TULP4: variants seen among roughly 807,000 people sequenced by gnomAD.
The protein encoded by TULP4 is tubby-related protein 4.
TULP4 carries 16 observed loss-of-function variants against 129.0 expected under a neutral mutation model. The ratio of observed to expected loss-of-function variants is 0.12; its 90% confidence interval spans 0.08 to 0.19. TULP4 has a LOEUF of 0.19. Ranked by LOEUF, TULP4 falls within the 10% of genes least tolerant of loss-of-function variation. The probability of loss-of-function intolerance (pLI) is 1.00; values close to 1 mark genes in which losing one functional copy is unlikely to be tolerated. For synonymous variants in TULP4, 998 were observed against 854.0 expected, an observed-to-expected ratio of 1.17 and a Z score of -2.94; for missense variants, 1,842 against 2,059.1, an observed-to-expected ratio of 0.89 and a Z score of 2.04.
rs143823834 is a variant in TULP4 at position 158,449,010 on chromosome 6, G to A, written c.558G>A (p.Thr186=). The change falls in exon 4 of 14, where the codon ACG becomes ACA. Residue 186 remains threonine, a synonymous_variant. Transcript: ENST00000367097. ...CTGGATTGCAGGTGCTGTTTGGCACGGCCGATGGGCAGGTGATTGTCATGG... is the reference window on the plus strand; with the variant it reads ...CTGGATTGCAGGTGCTGTTTGGCACAGCCGATGGGCAGGTGATTGTCATGG... ...TPDDQQVLFG[T]ADGQVIVMDC... is the part of the protein sequence containing the mutation. 5.6e-6 allele frequency: 9 copies of A among 1,610,978 alleles called. No homozygotes were observed. The highest frequency in any genetic ancestry group is 5.3e-5 in the African/African-American group (4 of 75,018).
intron 8 of TULP4, among the ~76,000 whole-genome samples, chr6:158,484,654 C>T (rs989953790): frequency 4.6e-5 from 7 of 152,140 alleles, no homozygotes; most frequent in East Asian, 1.9e-4. Flanking sequence ...TCTCTCACCA[C>T]GCACGTGCAC....
At chr6:158,427,438 A>C (rs745663354) in intron 2 of TULP4, among the ~76,000 whole-genome samples, 22 of 148,560 alleles carry the variant, frequency 1.5e-4, no homozygotes, top group Non-Finnish European at 2.7e-4. Context: ...AACTTACATG[A>C]AATGGACAAA....
chr6:158,506,388 C>T (rs959445515), intron 13 of TULP4, among the ~76,000 whole-genome samples, 190 bp from the exon 14 acceptor site: 6 of 151,866 alleles, frequency 4.0e-5, no homozygotes, highest in Admixed American at 6.6e-5. Context: ...CCCGCCACCA[C>T]GCCCGGCTAA....
At chr6:158,390,906 A>G (rs948500613) in intron 1 of TULP4, among the ~76,000 whole-genome samples, 2 of 152,226 alleles carry the variant, frequency 1.3e-5, no homozygotes, top group Admixed American at 1.3e-4. Flanking sequence ...CCTGGACAGC[A>G]TAGTAAGACT....
rs1013433289 is a variant in TULP4 at position 158,415,016 on chromosome 6, A to C, written c.381+1823A>C. Among the ~76,000 whole-genome samples the C allele has an allele frequency of 2.0e-5, 3 of 152,244 alleles. No homozygotes were observed. The East Asian group carries it at 5.8e-4, about 29-fold the overall frequency. On this transcript the variant is annotated intron_variant, in intron 2 of 13. Coordinates refer to ENST00000367097, the MANE Select transcript of TULP4 (RefSeq NM_020245.5). Reference sequence around the variant, plus strand: ...TGCTCCACCACACTGTCATGTTCCCAAACAAGAAATGATTTTCTCTTTTGG... The same window carrying C: ...TGCTCCACCACACTGTCATGTTCCCCAACAAGAAATGATTTTCTCTTTTGG...
At chr6:158,321,757 C>G (rs554051053) in intron 1 of TULP4, among the ~76,000 whole-genome samples, 3 of 152,328 alleles carry the variant, frequency 2.0e-5, no homozygotes, top group African/African-American at 7.2e-5. Flanking sequence ...CCTCATGAAT[C>G]TCTTGACTTA....
rs770375418 is a variant in TULP4, at chr6:158,488,421, G to A, written c.1487-1167G>A. 3.9e-5 allele frequency among the ~76,000 whole-genome samples: 6 copies of A among 152,242 alleles called. No homozygotes were observed. In the East Asian group the frequency reaches 7.7e-4, roughly 20 times the overall value. ...ACTGTGGCTTTCGCTGGGTCCAGGCGTCGAGCCTCCTGATTCAGTGAGTGC... is the reference window on the plus strand; with the variant it reads ...ACTGTGGCTTTCGCTGGGTCCAGGCATCGAGCCTCCTGATTCAGTGAGTGC... On this transcript the variant is annotated intron_variant, in intron 8 of 13. Coordinates refer to ENST00000367097, the MANE Select transcript of TULP4 (RefSeq NM_020245.5).
At chr6:158,469,170 G>A (rs1046429119) in intron 6 of TULP4, among the ~76,000 whole-genome samples, 2 of 152,156 alleles carry the variant, frequency 1.3e-5, no homozygotes, top group Non-Finnish European at 2.9e-5. Flanking sequence ...ATCCAGAACG[G>A]TGAAAATAGA....
chr6:158,410,334 A>T (rs574352680), intron 1 of TULP4, among the ~76,000 whole-genome samples: 55 of 152,196 alleles, frequency 3.6e-4, no homozygotes, highest in East Asian at 1.3e-3. Context: ...AGCCTTTTTC[A>T]TGGAGAGGTT....
chr6:158,459,925 C>T (rs1779386963), intron 5 of TULP4, among the ~76,000 whole-genome samples: 1 of 152,186 alleles, frequency 6.6e-6, no homozygotes. Context: ...ATGCCCAGAG[C>T]ACATTTAGTA....
chr6:158,462,064 T>A (rs552388879), intron 6 of TULP4, among the ~76,000 whole-genome samples: 106 of 152,240 alleles, frequency 7.0e-4, no homozygotes, highest in Non-Finnish European at 1.2e-3. Context: ...CTTAGTGAGT[T>A]CTTAGCAGGA....
At chr6:158,236,924 C>T (rs111433651) in intron 1 of TULP4, among the ~76,000 whole-genome samples, 1,788 of 149,568 alleles carry the variant, frequency 0.012, 41 homozygotes, top group African/African-American at 0.042. Context: ...AGCGATTCTG[C>T]CTCAGCCACC....
intron 1 of TULP4, among the ~76,000 whole-genome samples, chr6:158,361,739 A>G (rs1780794591): frequency 6.6e-6 from 1 of 152,210 alleles, no homozygotes; most frequent in South Asian, 2.1e-4. Flanking sequence ...TCCAGAGAGA[A>G]CATGTTAGGA....
At position 158,380,255 on chromosome 6, in the gene TULP4, G is replaced by T. The variant is rs140776369; in HGVS notation, c.253-32810G>T. On this transcript the variant is annotated intron_variant, in intron 1 of 13. Coordinates refer to ENST00000367097, the MANE Select transcript of TULP4 (RefSeq NM_020245.5). ...CTTTGAGGCTCTCCACAAAGGTTCA[G>T]CAAGAACTACGGACAGCCCCTTGCC... 7.2e-4 allele frequency among the ~76,000 whole-genome samples: 109 copies of T among 152,302 alleles called. 3 individuals are homozygous for T. In the East Asian group the frequency reaches 0.019, roughly 27 times the overall value.
chr6:158,322,495 G>C (rs1209298615), intron 1 of TULP4, among the ~76,000 whole-genome samples: 2 of 152,128 alleles, frequency 1.3e-5, no homozygotes, highest in Non-Finnish European at 2.9e-5. Flanking sequence ...GAAGGGCTGT[G>C]AAAATGGTAT....
At chr6:158,300,527 A>G (rs923419009) in intron 1 of TULP4, among the ~76,000 whole-genome samples, 5 of 152,200 alleles carry the variant, frequency 3.3e-5, no homozygotes, top group African/African-American at 7.2e-5. Flanking sequence ...CTCTGGTAAT[A>G]CGGGAAATTC....
intron 1 of TULP4, among the ~76,000 whole-genome samples, chr6:158,395,127 G>A (rs1276322756): frequency 6.6e-6 from 1 of 152,124 alleles, no homozygotes; most frequent in East Asian, 1.9e-4. Context: ...TTTGGGCGGG[G>A]ACACAAATCC....
chr6:158,383,132 G>T (rs1777366748), intron 1 of TULP4, among the ~76,000 whole-genome samples: 1 of 152,144 alleles, frequency 6.6e-6, no homozygotes, highest in Non-Finnish European at 1.5e-5. Flanking sequence ...ATTCTGCTGT[G>T]CATCCTCCTC....
At chr6:158,240,864 C>G (rs1044809662) in intron 1 of TULP4, among the ~76,000 whole-genome samples, 3 of 151,016 alleles carry the variant, frequency 2.0e-5, no homozygotes, top group Non-Finnish European at 4.4e-5. Flanking sequence ...CCACCTCCCT[C>G]CCGGACGGGG....
Sources: gnomAD v4.1 joint callset for allele counts (sites outside exome capture counted in the v4.1 genomes callset) on GRCh38, gnomAD v4.1.1 for gene constraint, MANE v1.5 for transcripts, NCBI Gene and HGNC (gene_info 2026-07-23, HGNC 2026-07-21) for gene names.